Variants in PROSER2 observed in about 807,000 individuals in gnomAD.
PROSER2 encodes proline and serine rich 2, also known as proline and serine-rich protein 2.
In PROSER2, 18 loss-of-function variants were observed where a neutral mutation model predicts 14.6. The ratio of observed to expected loss-of-function variants is 1.23; its 90% CI spans 0.85 to 1.83. PROSER2 has a LOEUF of 1.83. PROSER2 is among the 40% of genes most tolerant of loss of function. PROSER2 has a pLI of 0.00. For synonymous variants in PROSER2, 367 were observed against 286.4 expected (o/e 1.28, Z -2.84); for missense variants, 823 against 629.8 (o/e 1.31, Z -3.28).
chr10:11,842,220 C>CAAAA (rs112257438), intron 1 of PROSER2, among the ~76,000 whole-genome samples: 5 of 135,266 alleles, frequency 3.7e-5, no homozygotes, highest in African/African-American at 1.4e-4. Flanking sequence ...GACTCAGTCT[C>CAAAA]AAAAAAAAAA....
intron 2 of PROSER2, among the ~76,000 whole-genome samples, chr10:11,860,761 G>T (rs1484408364): frequency 6.6e-6 from 1 of 152,206 alleles, no homozygotes; most frequent in Non-Finnish European, 1.5e-5. Context: ...GTCGGTTGAT[G>T]CTTGTTAGTG....
rs369148625 is a variant in PROSER2, at chr10:11,832,712, T to C, written c.-82+9242T>C. ...ATTGGAAGGACTTGATCTATAAATA[T>C]GGTGGAGAGGGAGGGATAATAACCA... On this transcript the variant is annotated intron_variant, in intron 1 of 3. Coordinates refer to ENST00000277570, the MANE Select transcript of PROSER2 (RefSeq NM_153256.4). Among the ~76,000 whole-genome samples the C allele has an allele frequency of 1.4e-3, 219 of 152,346 alleles. 1 individual carries two copies. Among genetic ancestry groups the C allele is most frequent in the African/African-American group, 5.0e-3 (208 of 41,588 alleles).
intron 1 of PROSER2, among the ~76,000 whole-genome samples, chr10:11,832,654 A>G (rs1201335422): frequency 6.6e-6 from 1 of 152,188 alleles, no homozygotes; most frequent in Non-Finnish European, 1.5e-5. Flanking sequence ...CCCGATTTAA[A>G]TGTATAAATT....
rs965779101 is a variant in PROSER2, at chr10:11,866,882, T to C, written c.391+99T>C. 2.2e-6 allele frequency: 3 copies of C among 1,385,280 alleles called. No individual in the cohort carries two copies. Among genetic ancestry groups the C allele is most frequent in the East Asian group, 4.7e-5 (2 of 42,386 alleles). The allele number at this position is 1,385,280 out of a possible 1,614,324, so 85.8% of individuals were successfully genotyped here. A position where few individuals can be genotyped will look rare whatever the true frequency, so the allele number is the denominator to read the frequency against. On this transcript the variant is annotated intron_variant, in intron 3 of 3. Transcript: ENST00000277570. The surrounding 1 kb of genome is among the most constrained non-coding windows in gnomAD (Gnocchi z 6.0). Reference sequence around the variant, plus strand: ...GTTCCCCTGTGTTTGCCAGTAGAAGTTGTTGAGTCTTACCAGATTTTTATA... The same window carrying C: ...GTTCCCCTGTGTTTGCCAGTAGAAGCTGTTGAGTCTTACCAGATTTTTATA...
At position 11,870,071 on chromosome 10, in the gene PROSER2, C is replaced by A; in HGVS notation, c.973C>A (p.Pro325Thr). Residue 325 changes from proline to threonine, a missense_variant, in exon 4 of 4, where the codon CCC (proline) becomes ACC (threonine). Pro to Thr is a conservative substitution (Grantham distance 38). Transcript: ENST00000277570. ...RVARGRGLPG[P>T]AESLRAGGQA... ...GGCGCGTGGCCGGGGCCTGCCGGGCCCCGCTGAGAGTCTCCGGGCAGGGGG... is the reference window on the plus strand; with the variant it reads ...GGCGCGTGGCCGGGGCCTGCCGGGCACCGCTGAGAGTCTCCGGGCAGGGGG... The A allele has an allele frequency of 7.9e-7, 1 of 1,263,390 alleles. No individual in the cohort carries two copies. The highest frequency in any genetic ancestry group is 1.0e-6 in the Non-Finnish European group (1 of 1,004,650). 78.3% of individuals were successfully genotyped at this position (1,263,390 alleles called of 1,614,324 possible).
At chr10:11,833,972 G>A (rs1366189908) in intron 1 of PROSER2, among the ~76,000 whole-genome samples, 2 of 142,262 alleles carry the variant, frequency 1.4e-5, no homozygotes, top group Non-Finnish European at 3.1e-5. Context: ...GTTCCCAAGT[G>A]AGTAGCTCTT....
chr10:11,833,033 A>G (rs970126613), intron 1 of PROSER2, among the ~76,000 whole-genome samples: 5 of 151,678 alleles, frequency 3.3e-5, no homozygotes, highest in Admixed American at 3.3e-4. Context: ...TGGTAGAGAC[A>G]GCATTTCACC....
intron 1 of PROSER2, among the ~76,000 whole-genome samples, chr10:11,847,024 T>A (rs1287091760): frequency 6.6e-6 from 1 of 151,858 alleles, no homozygotes; most frequent in African/African-American, 2.4e-5. Context: ...AGTGTTGGGG[T>A]TACAGGCGTG....
chr10:11,836,607 G>A lies in PROSER2; in HGVS notation c.-82+13137G>A, dbSNP rs1833764113. Among the ~76,000 whole-genome samples the A allele has an allele frequency of 6.6e-6, 1 of 152,080 alleles. No individual in the cohort carries two copies. The highest frequency in any genetic ancestry group is 1.5e-5 in the Non-Finnish European group (1 of 67,994). On this transcript the variant is annotated intron_variant, in intron 1 of 3. Transcript: ENST00000277570. The surrounding 1 kb of genome is among the most constrained non-coding windows in gnomAD (Gnocchi z 4.6). ...ACGCCGGCCCCTTCCTAGCGTGTAGGTGTGCACTTTGACCCTGCTGTAGTG... is the reference window on the plus strand; with the variant it reads ...ACGCCGGCCCCTTCCTAGCGTGTAGATGTGCACTTTGACCCTGCTGTAGTG...
chr10:11,860,354 C>T (rs1834212285), intron 2 of PROSER2, among the ~76,000 whole-genome samples: 1 of 152,190 alleles, frequency 6.6e-6, no homozygotes, highest in African/African-American at 2.4e-5. Flanking sequence ...CGGTAGCTCA[C>T]ACCTGTAATC....
rs757522067 is a variant in PROSER2, at chr10:11,869,546, C to G, written c.448C>G (p.Pro150Ala). The change falls in exon 4 of 4, where the codon CCA (proline) becomes GCA (alanine). Residue 150 changes from proline (P) to alanine (A), a missense_variant. Physicochemically the swap from Pro to Ala is conservative, Grantham distance 27. Coordinates refer to ENST00000277570, the MANE Select transcript of PROSER2 (RefSeq NM_153256.4). This position sits in a 1 kb window ranked among gnomAD's most constrained non-coding sequence, Gnocchi z 4.4. Reference sequence around the variant, plus strand: ...ACAAGATGCTGAGACTCCTCCACCTCCAGACCCCCCGGCTCCCGAGACCCT... The same window carrying G: ...ACAAGATGCTGAGACTCCTCCACCTGCAGACCCCCCGGCTCCCGAGACCCT... Reference protein sequence around the residue: ...RKQDAETPPPPDPPAPETLLA... With the variant: ...RKQDAETPPPADPPAPETLLA... The G allele has an allele frequency of 6.2e-7, 1 of 1,613,660 alleles. No homozygotes were observed. Among genetic ancestry groups the G allele is most frequent in the South Asian group, 1.1e-5 (1 of 91,064 alleles).
chr10:11,869,375 C>T lies in PROSER2; in HGVS notation c.392-115C>T, dbSNP rs536171871. 44 of 721,774 alleles carry T rather than the reference C, an allele frequency of 6.1e-5. No homozygotes were observed. The East Asian group carries it at 6.3e-4, about 10-fold the overall frequency. 44.7% of individuals were successfully genotyped at this position (721,774 alleles called of 1,614,324 possible). A position where few individuals can be genotyped will look rare whatever the true frequency, so the allele number is the denominator to read the frequency against. ...AGAGGAGTTGACTCACAGGCAGCAC[C>T]GGCGAAGTTGGTGTCAGGTCCAGGT... On this transcript the variant is annotated intron_variant, in intron 3 of 3. Transcript: ENST00000277570. This position sits in a 1 kb window ranked among gnomAD's most constrained non-coding sequence, Gnocchi z 4.4.
rs1834261047 is a variant in PROSER2 at position 11,862,329 on chromosome 10, A to G, written c.139-4202A>G. ...TTTATGTGGAAATAAAAAAGGACTA[A>G]GAAAGCTAAACAGACTTAAGGAAGA... On this transcript the variant is annotated intron_variant, in intron 2 of 3. Transcript: ENST00000277570. This position sits in a 1 kb window ranked among gnomAD's most constrained non-coding sequence, Gnocchi z 4.2. Among the ~76,000 whole-genome samples the G allele has an allele frequency of 6.6e-6, 1 of 152,230 alleles. No homozygotes were observed. Among genetic ancestry groups the G allele is most frequent in the African/African-American group, 2.4e-5 (1 of 41,464 alleles).
intron 1 of PROSER2, among the ~76,000 whole-genome samples, chr10:11,849,127 C>T (rs1330448826): frequency 4.0e-5 from 6 of 151,830 alleles, no homozygotes; most frequent in South Asian, 2.1e-4. Context: ...GCGGAGGTTG[C>T]GGTAAGCCGA....
At chr10:11,860,933 C>T (rs1045801613) in intron 2 of PROSER2, among the ~76,000 whole-genome samples, 1 of 152,036 alleles carries the variant, frequency 6.6e-6, no homozygotes, top group Non-Finnish European at 1.5e-5. Context: ...TGGCGAAACC[C>T]CATCTCTACT....
At chr10:11,844,269 G>T (rs1442258652) in intron 1 of PROSER2, among the ~76,000 whole-genome samples, 1 of 152,132 alleles carries the variant, frequency 6.6e-6, no homozygotes, top group Non-Finnish European at 1.5e-5. Context: ...GGGATTACAG[G>T]TATGAGCCAC....
chr10:11,854,827 T>C (rs1834092954), intron 2 of PROSER2, among the ~76,000 whole-genome samples: 1 of 152,180 alleles, frequency 6.6e-6, no homozygotes, highest in Non-Finnish European at 1.5e-5. Context: ...ATACAGCGTC[T>C]CTAAACGTCA....
At chr10:11,859,693 C>T (rs760634207) in intron 2 of PROSER2, among the ~76,000 whole-genome samples, 5 of 152,198 alleles carry the variant, frequency 3.3e-5, no homozygotes, top group Admixed American at 6.5e-5. Flanking sequence ...GACCACCAGG[C>T]GATGCCTTGT....
rs1834483740 is a variant in PROSER2, at chr10:11,871,203, C to A, written c.*797C>A. On this transcript the variant is annotated 3_prime_UTR_variant, in exon 4 of 4. Transcript: ENST00000277570. ...TTATATAAATAGAAACTTCTGAACA[C>A]CCTCCTAAGTCACTACAGGATGCCA... 1 of 152,162 alleles carries A rather than the reference C, an allele frequency of 6.6e-6. No homozygotes were observed. 9.4% of individuals were successfully genotyped at this position (152,162 alleles called of 1,614,324 possible). A position where few individuals can be genotyped will look rare whatever the true frequency, so the allele number is the denominator to read the frequency against.
Sources: gnomAD v4.1 joint callset for allele counts (sites outside exome capture counted in the v4.1 genomes callset) on GRCh38, gnomAD v4.1.1 for gene constraint, Gnocchi (gnomAD v3.1) non-coding constraint, MANE v1.5 for transcripts, NCBI Gene and HGNC (gene_info 2026-07-23, HGNC 2026-07-21) for gene names.